Variants in LIPM observed in about 807,000 individuals in gnomAD.
LIPM encodes lipase family member M.
Under a neutral mutation model 42.4 loss-of-function variants are expected in LIPM, and 42 were observed. The ratio of observed to expected loss-of-function variants is 0.99; its 90% CI spans 0.77 to 1.28. LIPM has a LOEUF of 1.28. Among genes scored for constraint, LIPM ranks in the 50% most tolerant of loss-of-function variants. The pLI is 0.00. For synonymous variants in LIPM, 177 were observed against 173.3 expected (o/e 1.02, Z -0.17); for missense variants, 524 against 520.1 (o/e 1.01, Z -0.07).
At position 88,815,461 on chromosome 10, in the gene LIPM, C is replaced by G; in HGVS notation, c.816C>G (p.Ile272Met). The G allele has an allele frequency of 1.9e-6, 3 of 1,551,234 alleles. No individual in the cohort carries two copies. The highest frequency in any genetic ancestry group is 2.6e-6 in the Non-Finnish European group (3 of 1,146,640). The change falls in exon 6 of 9, where the codon ATC becomes ATG. Residue 272 changes from isoleucine to methionine, a missense_variant. Ile to Met is a conservative substitution (Grantham distance 10, BLOSUM62 1). Coordinates refer to ENST00000404743, the MANE Select transcript of LIPM (RefSeq NM_001128215.1). ...TTCTTGATCAGATTTGTAGTAATAT[C>G]ATGTTACTTCTGGGTGGATTCAACA... ...QVILDQICSN[I>M]MLLLGGFNTN...
chr10:88,814,218 G>A (rs561394934), intron 3 of LIPM, among the ~76,000 whole-genome samples: 7 of 152,272 alleles, frequency 4.6e-5, no homozygotes, highest in Admixed American at 2.0e-4. Context: ...AGCCCTGTGC[G>A]GTTCTGCTTA....
intron 2 of LIPM, among the ~76,000 whole-genome samples, chr10:88,811,885 C>T (rs547000309): frequency 1.3e-5 from 2 of 151,788 alleles, no homozygotes; most frequent in Non-Finnish European, 2.9e-5. Context: ...AACTGCAATA[C>T]CTTTATCAAA....
intron 6 of LIPM, among the ~76,000 whole-genome samples, chr10:88,816,614 C>T (rs1229032356): frequency 1.3e-5 from 2 of 152,126 alleles, no homozygotes; most frequent in African/African-American, 4.8e-5. Context: ...AACCTATTCT[C>T]AGATGAAAAA....
At chr10:88,815,611 T>C in intron 6 of LIPM, 108 bp downstream of exon 6, 1 of 953,864 alleles carries the variant, frequency 1.0e-6, no homozygotes, top group Non-Finnish European at 1.5e-6. Flanking sequence ...AGTAATGATA[T>C]ATTCTCAGTA....
chr10:88,814,996 A>G (rs940794309), intron 4 of LIPM, 92 bp from the exon 5 acceptor site: 3 of 1,155,352 alleles, frequency 2.6e-6, no homozygotes, highest in South Asian at 1.6e-5. Flanking sequence ...TCACATATAT[A>G]CTTATTGAAA....
In LIPM at chr10:88,820,404, G is replaced by A. The variant is rs776779904; in HGVS notation, c.1175G>A (p.Gly392Asp). ...PEWAHVDFIW[G>D]LDAPHRMYNE... ...TGGGCTCACGTGGATTTCATCTGGG[G>A]TTTGGATGCTCCTCACCGTATGTAC... Residue 392 changes from glycine to aspartate, a missense_variant, in exon 9 of 9, where the codon GGT (glycine) becomes GAT (aspartate). Transcript: ENST00000404743. 2 of 1,552,216 alleles carry A rather than the reference G, an allele frequency of 1.3e-6. No homozygotes were observed. Among genetic ancestry groups the A allele is most frequent in the Non-Finnish European group, 1.7e-6 (2 of 1,147,086 alleles).
chr10:88,812,964 A>C (rs2133056821), intron 2 of LIPM, 133 bp from the exon 3 acceptor site: 3 of 729,862 alleles, frequency 4.1e-6, no homozygotes, highest in Middle Eastern at 4.0e-4. Context: ...TAATTGGCCA[A>C]GATAACTAAG....
At chr10:88,812,192 C>T (rs1292301290) in intron 2 of LIPM, among the ~76,000 whole-genome samples, 1 of 152,082 alleles carries the variant, frequency 6.6e-6, no homozygotes, top group Non-Finnish European at 1.5e-5. Context: ...AGGAATAACC[C>T]AAAAGTGAAG....
chr10:88,807,464 A>T (rs1270600854), intron 1 of LIPM, among the ~76,000 whole-genome samples: 1 of 152,206 alleles, frequency 6.6e-6, no homozygotes, highest in Non-Finnish European at 1.5e-5. Flanking sequence ...CTGAGTGATA[A>T]CAATGGGCAA....
intron 5 of LIPM, 31 bp from the exon 6 acceptor site, chr10:88,815,326 G>A (rs570763647): frequency 1.3e-6 from 2 of 1,550,682 alleles, no homozygotes; most frequent in East Asian, 4.9e-5. Context: ...TTTTCTGTCT[G>A]TCATGTCTAT....
In LIPM at chr10:88,820,221, C is replaced by G; in HGVS notation, c.1003-11C>G. ...TGTTACCTAGAGTTAAGAACTATTC[C>G]TTTTCTCTAGCCAACTCCTGTAAGG... On this transcript the variant is annotated splice_polypyrimidine_tract_variant and intron_variant, in intron 8 of 8. Transcript: ENST00000404743. 6.5e-7 allele frequency: 1 copy of G among 1,543,648 alleles called. No individual in the cohort carries two copies. The highest frequency in any genetic ancestry group is 8.7e-7 in the Non-Finnish European group (1 of 1,143,970).
At position 88,815,431 on chromosome 10, in the gene LIPM, G is replaced by A; in HGVS notation, c.786G>A (p.Gln262=). 1 of 1,551,492 alleles carries A rather than the reference G, an allele frequency of 6.4e-7. No individual in the cohort carries two copies. The highest frequency in any genetic ancestry group is 1.4e-5 in the African/African-American group (1 of 73,140). Residue 262 remains glutamine, a synonymous_variant, in exon 6 of 9, where the codon CAG becomes CAA. Transcript: ENST00000404743. ...LRQLVIYLCG[Q]VILDQICSNI... ...AACTTGTTATTTACCTTTGTGGCCA[G>A]GTGATTCTTGATCAGATTTGTAGTA...
chr10:88,816,674 C>A (rs965487058), intron 6 of LIPM, 142 bp from the exon 7 acceptor site: 1 of 609,530 alleles, frequency 1.6e-6, no homozygotes, highest in Non-Finnish European at 3.0e-6. Context: ...CGTGCATGTA[C>A]ATATTTTTGT....
intron 2 of LIPM, among the ~76,000 whole-genome samples, 172 bp downstream of exon 2, chr10:88,808,587 T>A (rs1467827889): frequency 6.6e-6 from 1 of 152,086 alleles, no homozygotes; most frequent in Non-Finnish European, 1.5e-5. Flanking sequence ...ACCGTGTCCG[T>A]CCCCACTGCC....
At chr10:88,806,971 G>A (rs1352769926) in intron 1 of LIPM, among the ~76,000 whole-genome samples, 1 of 152,040 alleles carries the variant, frequency 6.6e-6, no homozygotes, top group Non-Finnish European at 1.5e-5. Flanking sequence ...TTACAGGTGT[G>A]AGCCACTGTG....
chr10:88,819,599 C>A (rs916692847), intron 8 of LIPM, among the ~76,000 whole-genome samples: 1 of 152,160 alleles, frequency 6.6e-6, no homozygotes, highest in African/African-American at 2.4e-5. Context: ...TGCATAAATA[C>A]GGAAAGTTCC....
In LIPM at chr10:88,813,200, T is replaced by C; in HGVS notation, c.369T>C (p.Ala123=). The change falls in exon 3 of 9, where the codon GCT becomes GCC. Residue 123 remains alanine, a synonymous_variant. Transcript: ENST00000404743. The part of the protein sequence containing the change: ...NNSLGFILAD[A]GFDVWMGNSR... ...GCCTGGGCTTCATTCTGGCAGATGC[T>C]GGTTTTGACGTGTGGATGGGGAACA... 2 of 1,613,838 alleles carry C rather than the reference T, an allele frequency of 1.2e-6. No homozygotes were observed. The highest frequency in any genetic ancestry group is 1.7e-6 in the Non-Finnish European group (2 of 1,179,856).
Position 88,808,392 on chromosome 10 carries a change from G to A in LIPM, c.242G>A (p.Gly81Asp). 1 of 1,550,876 alleles carries A rather than the reference G, an allele frequency of 6.4e-7. No individual in the cohort carries two copies. The highest frequency in any genetic ancestry group is 8.7e-7 in the Non-Finnish European group (1 of 1,146,112). The change falls in exon 2 of 9, where the codon GGC (glycine) becomes GAC (aspartate). Residue 81 changes from glycine (G) to aspartate (D), a missense_variant. Transcript: ENST00000404743. ...YILSVNRIPRGLVQPKKTGSR... is the reference protein window; with the variant it reads ...YILSVNRIPRDLVQPKKTGSR... ...CTTTCTGTTAACAGGATTCCTCGAG[G>A]CCTAGTGCAACCTAAGAAGACAGGT...
intron 1 of LIPM, among the ~76,000 whole-genome samples, chr10:88,805,113 C>T (rs1843570460): frequency 6.6e-6 from 1 of 152,140 alleles, no homozygotes; most frequent in African/African-American, 2.4e-5. Flanking sequence ...TACTGAGCAC[C>T]TACTAGGTCC....
Sources: gnomAD v4.1 joint callset for allele counts (sites outside exome capture counted in the v4.1 genomes callset) on GRCh38, gnomAD v4.1.1 for gene constraint, MANE v1.5 for transcripts, NCBI Gene and HGNC (gene_info 2026-07-23, HGNC 2026-07-21) for gene names.